The following ZFYVE9 variants were observed in gnomAD, a reference collection of about 807,000 sequenced individuals.
ZFYVE9 encodes the protein zinc finger FYVE domain-containing protein 9.
ZFYVE9 carries 43 observed loss-of-function variants against 126.7 expected under a neutral mutation model. The ratio of observed to expected loss-of-function variants is 0.34; its 90% CI spans 0.27 to 0.44. The LOEUF (loss-of-function observed/expected upper bound fraction) is 0.44. Ranked by LOEUF, ZFYVE9 falls within the 20% of genes least tolerant of loss-of-function variation. The pLI is 1.00. For missense variants in ZFYVE9, 1,476 were observed against 1,697.0 expected, an observed-to-expected ratio of 0.87 and a Z score of 2.29; for synonymous variants, 521 against 597.4, an observed-to-expected ratio of 0.87 and a Z score of 1.87.
chr1:52,315,282 G>T (rs1417844970), intron 13 of ZFYVE9, among the ~76,000 whole-genome samples: 1 of 152,054 alleles, frequency 6.6e-6, no homozygotes, highest in Non-Finnish European at 1.5e-5. Context: ...ACAAAAATTA[G>T]CTGGGTATGG....
chr1:52,278,659 C>A, intron 9 of ZFYVE9, 45 bp downstream of exon 9: 2 of 1,293,916 alleles, frequency 1.5e-6, no homozygotes, highest in Non-Finnish European at 2.1e-6. Flanking sequence ...GTTTTACTGA[C>A]TCATAGTACA....
intron 11 of ZFYVE9, among the ~76,000 whole-genome samples, chr1:52,294,296 C>T (rs1350199238): frequency 6.6e-6 from 1 of 152,180 alleles, no homozygotes; most frequent in African/African-American, 2.4e-5. Flanking sequence ...GGCAAGTCAC[C>T]CAAGTTCTCT....
chr1:52,264,998 G>A (rs1394369154), intron 5 of ZFYVE9, among the ~76,000 whole-genome samples: 1 of 152,188 alleles, frequency 6.6e-6, no homozygotes, highest in African/African-American at 2.4e-5. Context: ...ATAAGAGCAT[G>A]CTGCTTAATT....
intron 10 of ZFYVE9, among the ~76,000 whole-genome samples, chr1:52,293,240 C>T (rs937078383): frequency 1.3e-5 from 2 of 151,814 alleles, no homozygotes; most frequent in African/African-American, 2.4e-5. Flanking sequence ...TTAGCCAGGT[C>T]TGGTGGCGGG....
intron 10 of ZFYVE9, among the ~76,000 whole-genome samples, chr1:52,288,872 G>C (rs1645889099): frequency 6.8e-6 from 1 of 147,462 alleles, no homozygotes; most frequent in South Asian, 2.1e-4. Flanking sequence ...GTTTCAGTGA[G>C]CTGGGATCAC....
At chr1:52,274,618 C>T (rs1158332807) in intron 8 of ZFYVE9, 34 bp downstream of exon 8, 1 of 1,554,382 alleles carries the variant, frequency 6.4e-7, no homozygotes, top group African/African-American at 1.4e-5. Flanking sequence ...AGTGATAGTT[C>T]TATCTGCCAA....
intron 1 of ZFYVE9, chr1:52,180,135 G>GATT: frequency 1.8e-6 from 2 of 1,081,238 alleles, no homozygotes; most frequent in Non-Finnish European, 2.9e-6. Context: ...CTCAGGGAAG[G>GATT]ATTATGTTCA....
At chr1:52,178,329 C>CTTTTT (rs796749185) in intron 1 of ZFYVE9, among the ~76,000 whole-genome samples, 172 of 114,434 alleles carry the variant, frequency 1.5e-3, no homozygotes, top group African/African-American at 5.2e-3. Flanking sequence ...CATATTTGGG[C>CTTTTT]TTTTTTTTTT....
chr1:52,196,057 G>T (rs1644857213), intron 1 of ZFYVE9, among the ~76,000 whole-genome samples: 1 of 152,108 alleles, frequency 6.6e-6, no homozygotes, highest in Non-Finnish European at 1.5e-5. Flanking sequence ...CTCCCAAAGT[G>T]CTGGGATTAC....
intron 1 of ZFYVE9, among the ~76,000 whole-genome samples, chr1:52,165,957 C>G (rs1557433264): frequency 6.6e-6 from 1 of 152,118 alleles, no homozygotes; most frequent in Admixed American, 6.5e-5. Context: ...TATTTGTGCT[C>G]TGTTTTAATG....
At chr1:52,327,678 G>C (rs1324158375) in intron 13 of ZFYVE9, among the ~76,000 whole-genome samples, 1 of 151,886 alleles carries the variant, frequency 6.6e-6, no homozygotes, top group Non-Finnish European at 1.5e-5. Context: ...CATGGGAGAA[G>C]AAAAGGGAAG....
intron 8 of ZFYVE9, 44 bp downstream of exon 8, chr1:52,274,628 AATG>A (rs1645727727): frequency 1.3e-6 from 2 of 1,525,302 alleles, no homozygotes; most frequent in Non-Finnish European, 1.8e-6. Context: ...CTATCTGCCA[AATG>A]TTACCTTCTA....
chr1:52,301,337 TG>T (rs1458056915), intron 12 of ZFYVE9, among the ~76,000 whole-genome samples: 7 of 143,994 alleles, frequency 4.9e-5, no homozygotes, highest in African/African-American at 1.5e-4. Context: ...GGTCTCACTC[TG>T]TTGCCCAGGC....
intron 4 of ZFYVE9, among the ~76,000 whole-genome samples, chr1:52,262,072 AAC>A (rs1163633559): frequency 1.3e-5 from 2 of 152,196 alleles, no homozygotes; most frequent in African/African-American, 2.4e-5. Flanking sequence ...GCTTATAAAT[AAC>A]AGAGATTTGT....
chr1:52,263,078 CAAAAAAAA>C, intron 4 of ZFYVE9, among the ~76,000 whole-genome samples: 1 of 70,350 alleles, frequency 1.4e-5, no homozygotes, highest in African/African-American at 4.8e-5. Context: ...AATTGTGTCT[CAAAAAAAA>C]AAAAAAAAAA....
Position 52,237,603 on chromosome 1 carries a change from T to G in ZFYVE9, c.186T>G (p.Ser62=). 1.2e-6 allele frequency: 2 copies of G among 1,614,114 alleles called. No individual in the cohort carries two copies. Among genetic ancestry groups the G allele is most frequent in the Non-Finnish European group, 1.7e-6 (2 of 1,179,960 alleles). The change falls in exon 4 of 19, where the codon TCT becomes TCG. Residue 62 remains serine, a synonymous_variant. Transcript: ENST00000287727. ...TLASVNESAV[S]NESQPQLKVF... is the part of the protein sequence containing the mutation. ...CCAGTGTGAATGAATCTGCAGTTTC[T>G]AATGAGTCACAACCACAACTGAAAG...
chr1:52,203,505 A>AT lies in ZFYVE9; in HGVS notation c.-142-12855dup, dbSNP rs949410826. 1.2e-4 allele frequency among the ~76,000 whole-genome samples: 16 copies of AT among 136,032 alleles called. 1 individual carries two copies. The East Asian group carries it at 3.1e-3, about 26-fold the overall frequency. The allele number at this position is 136,032 out of a possible 152,430, so 89.2% of individuals were successfully genotyped here. On this transcript the variant is annotated intron_variant, in intron 1 of 18. Transcript: ENST00000287727. ...TTTTTTTTTTTAAGAGATTAAAAAAATTTTTTTTTATTTTCTATAGTTTGA... is the reference window on the plus strand; with the variant it reads ...TTTTTTTTTTTAAGAGATTAAAAAAATTTTTTTTTTATTTTCTATAGTTTGA...
intron 2 of ZFYVE9, among the ~76,000 whole-genome samples, chr1:52,221,043 G>A (rs772046052): frequency 6.6e-6 from 1 of 152,124 alleles, no homozygotes; most frequent in Non-Finnish European, 1.5e-5. Flanking sequence ...ATGAAGCCTC[G>A]TTCAGTCCAG....
intron 4 of ZFYVE9, among the ~76,000 whole-genome samples, chr1:52,243,295 G>A (rs943815619): frequency 6.6e-6 from 1 of 152,180 alleles, no homozygotes; most frequent in Admixed American, 6.5e-5. Context: ...TGTGGCAAGG[G>A]CGATGAAGGA....
Sources: gnomAD v4.1 joint callset for allele counts (sites outside exome capture counted in the v4.1 genomes callset) on GRCh38, gnomAD v4.1.1 for gene constraint, MANE v1.5 for transcripts, NCBI Gene and HGNC (gene_info 2026-07-23, HGNC 2026-07-21) for gene names.